The following PDE4D variants were observed in gnomAD, a reference collection of about 807,000 sequenced individuals.
PDE4D encodes phosphodiesterase 4D, also known as 3',5'-cyclic-AMP phosphodiesterase 4D.
A neutral mutation model predicts 87.4 loss-of-function variants in PDE4D; 24 were observed. The ratio of observed to expected loss-of-function variants is 0.27; its 90% CI spans 0.20 to 0.39. The LOEUF is 0.39. Among genes scored for constraint, PDE4D ranks in the 10% least tolerant of loss-of-function variants. The pLI is 1.00. For missense variants in PDE4D, 714 were observed against 1,041.0 expected (o/e 0.69, Z 4.32); for synonymous variants, 384 against 383.2 (o/e 1.00, Z -0.02).
Position 58,977,248 on chromosome 5 carries a change from A to G in PDE4D, c.1650T>C (p.Ile550=). 1 of 1,613,188 alleles carries G rather than the reference A, an allele frequency of 6.2e-7. No homozygotes were observed. The highest frequency in any genetic ancestry group is 8.5e-7 in the Non-Finnish European group (1 of 1,179,570). ...TTTGTTTTTTGGTCAAATTCTGGAA[A>G]ATGTCACAGTTTTCTTCCTGAAGCA... The part of the protein sequence containing the change: ...FKLLQEENCD[I]FQNLTKKQRQ... Residue 550 remains isoleucine, a synonymous_variant, in exon 12 of 15, where the codon ATT becomes ATC. Coordinates refer to ENST00000340635, the MANE Select transcript of PDE4D (RefSeq NM_001104631.2).
chr5:59,989,620 A>G (rs1762814301), intron 2 of PDE4D, among the ~76,000 whole-genome samples: 1 of 152,198 alleles, frequency 6.6e-6, no homozygotes, highest in Admixed American at 6.5e-5. Flanking sequence ...TATTTAAGTC[A>G]CAGCTCAGCA....
chr5:60,281,031 C>T (rs1261249329), intron 1 of PDE4D, among the ~76,000 whole-genome samples: 1 of 152,176 alleles, frequency 6.6e-6, no homozygotes, highest in Admixed American at 6.5e-5. Context: ...TGCTTAAGTT[C>T]ATAGGCAGCA....
intron 2 of PDE4D, among the ~76,000 whole-genome samples, chr5:59,201,982 C>T (rs1026523142): frequency 1.3e-5 from 2 of 150,974 alleles, no homozygotes; most frequent in African/African-American, 4.9e-5. Context: ...ACGCCAAACT[C>T]AGGCCACCTG....
chr5:59,481,593 G>A (rs1215442609), intron 1 of PDE4D, among the ~76,000 whole-genome samples: 1 of 152,054 alleles, frequency 6.6e-6, no homozygotes, highest in African/African-American at 2.4e-5. Context: ...AGGAAAGGCT[G>A]CTCCAGCGGT....
exon 3 of PDE4D, chr5:59,988,591 C>G (rs777233943): frequency 1.6e-5 from 26 of 1,599,256 alleles, no homozygotes; most frequent in African/African-American, 4.0e-5. Context: ...TCAGCTTGTT[C>G]CAACTGTCTG....
At chr5:59,013,086 G>A (rs1753176294) in intron 6 of PDE4D, among the ~76,000 whole-genome samples, 1 of 152,162 alleles carries the variant, frequency 6.6e-6, no homozygotes, top group Non-Finnish European at 1.5e-5. Context: ...AAATAAAGAT[G>A]TTCTTTGAAA....
chr5:60,217,058 T>C (rs557216891), intron 1 of PDE4D, among the ~76,000 whole-genome samples: 11 of 152,180 alleles, frequency 7.2e-5, no homozygotes, highest in East Asian at 5.8e-4. Context: ...CAGTATGTTA[T>C]ATACATACAA....
At chr5:60,440,618 A>G (rs968974310) in intron 1 of PDE4D, among the ~76,000 whole-genome samples, 1 of 152,154 alleles carries the variant, frequency 6.6e-6, no homozygotes, top group Non-Finnish European at 1.5e-5. Flanking sequence ...AGGAAGCAAA[A>G]GATAGATATT....
At chr5:59,139,436 T>C (rs1777577379) in intron 5 of PDE4D, among the ~76,000 whole-genome samples, 1 of 152,114 alleles carries the variant, frequency 6.6e-6, no homozygotes, top group Admixed American at 6.5e-5. Flanking sequence ...GTTTAAACTT[T>C]ACCCTGAAGG....
At chr5:58,979,417 T>G (rs1744579846) in intron 11 of PDE4D, among the ~76,000 whole-genome samples, 1 of 152,138 alleles carries the variant, frequency 6.6e-6, no homozygotes, top group Non-Finnish European at 1.5e-5. Flanking sequence ...AATGAACAAA[T>G]GTTAGCATTT....
At chr5:59,444,727 G>A (rs538022643) in intron 1 of PDE4D, among the ~76,000 whole-genome samples, 1 of 152,210 alleles carries the variant, frequency 6.6e-6, no homozygotes, top group African/African-American at 2.4e-5. Flanking sequence ...CAGGAGAATG[G>A]CATGAACCTG....
intron 3 of PDE4D, among the ~76,000 whole-genome samples, chr5:59,930,832 T>C (rs1234120127): frequency 6.6e-6 from 1 of 152,216 alleles, no homozygotes; most frequent in African/African-American, 2.4e-5. Context: ...TACGCAGAGG[T>C]ATGACTATTG....
At chr5:59,364,857 C>T (rs1782795515) in intron 1 of PDE4D, among the ~76,000 whole-genome samples, 1 of 151,796 alleles carries the variant, frequency 6.6e-6, no homozygotes, top group Non-Finnish European at 1.5e-5. Flanking sequence ...TCCTTCCTTC[C>T]TTCCTACCTA....
chr5:59,324,523 C>A (rs1237474201), intron 1 of PDE4D, among the ~76,000 whole-genome samples: 1 of 152,112 alleles, frequency 6.6e-6, no homozygotes, highest in South Asian at 2.1e-4. Flanking sequence ...CAAGGGGAGA[C>A]CATCTGGAAA....
At chr5:60,037,735 G>A (rs1767966614) in intron 2 of PDE4D, among the ~76,000 whole-genome samples, 2 of 152,250 alleles carry the variant, frequency 1.3e-5, no homozygotes, top group South Asian at 4.1e-4. Context: ...ACCTATTTAT[G>A]TGCAATATTG....
At chr5:59,363,098 A>C (rs1782486005) in intron 1 of PDE4D, among the ~76,000 whole-genome samples, 1 of 152,126 alleles carries the variant, frequency 6.6e-6, no homozygotes, top group Admixed American at 6.6e-5. Flanking sequence ...TACTATGATG[A>C]TATCAACCAC....
intron 1 of PDE4D, among the ~76,000 whole-genome samples, chr5:59,442,777 A>G (rs911847719): frequency 5.9e-5 from 9 of 152,174 alleles, no homozygotes; most frequent in African/African-American, 2.2e-4. Flanking sequence ...AATTTTCAAA[A>G]TATCTTCAAG....
intron 1 of PDE4D, among the ~76,000 whole-genome samples, chr5:60,289,703 G>A (rs1752720203): frequency 6.6e-6 from 1 of 152,216 alleles, no homozygotes; most frequent in Non-Finnish European, 1.5e-5. Flanking sequence ...TATGGCAAGA[G>A]TGGGACAAGA....
rs576617230 is a variant in PDE4D, at chr5:59,142,873, T to C, written c.808+37722A>G. The stretch of plus-strand genomic sequence containing the variant: ...CAGAGGTTTCAGTGAGCCGAGATCG[T>C]GCCACTGCACTCCAGCCTGGGTGAC... On this transcript the variant is annotated intron_variant, in intron 5 of 14. Transcript: ENST00000340635. Among the ~76,000 whole-genome samples, 5 of 152,262 alleles carry C rather than the reference T, an allele frequency of 3.3e-5. No individual in the cohort carries two copies. The East Asian group carries it at 5.8e-4, about 18-fold the overall frequency.
Sources: gnomAD v4.1 joint callset for allele counts (sites outside exome capture counted in the v4.1 genomes callset) on GRCh38, gnomAD v4.1.1 for gene constraint, MANE v1.5 for transcripts, NCBI Gene and HGNC (gene_info 2026-07-23, HGNC 2026-07-21) for gene names.